DACH2: variants seen among roughly 807,000 people sequenced by gnomAD.
The protein encoded by DACH2 is dachshund homolog 2.
A neutral mutation model predicts 35.8 loss-of-function variants in DACH2; 17 were observed. The ratio of observed to expected loss-of-function variants is 0.48; its 90% CI spans 0.33 to 0.71. DACH2 has a LOEUF of 0.71. Among genes scored for constraint, DACH2 ranks in the 30% least tolerant of loss-of-function variants. The pLI is 0.02. For missense variants in DACH2, 469 were observed against 472.7 expected (o/e 0.99, Z 0.07); for synonymous variants, 195 against 177.3 (o/e 1.10, Z -0.79).
At chrX:86,344,339 TATATAC>T (rs1325161106) in intron 1 of DACH2, among the ~76,000 whole-genome samples, 15 of 91,585 alleles carry the variant, frequency 1.6e-4, no homozygotes, top group Admixed American at 7.1e-4. Context: ...TATATATATA[TATATAC>T]ACACACACAC....
At chrX:86,212,369 T>C (rs1352961485) in intron 1 of DACH2, among the ~76,000 whole-genome samples, 1 of 111,562 alleles carries the variant, frequency 9.0e-6, no homozygotes, top group African/African-American at 3.2e-5. Flanking sequence ...ATATTCTGAA[T>C]GTTTTGAACT....
intron 2 of DACH2, among the ~76,000 whole-genome samples, chrX:86,445,333 G>C (rs1391129376): frequency 4.5e-5 from 3 of 66,217 alleles, no homozygotes; most frequent in Non-Finnish European, 7.8e-5. Flanking sequence ...ACAGGAAGGG[G>C]AATATCACAC....
intron 7 of DACH2, among the ~76,000 whole-genome samples, chrX:86,793,444 G>C (rs1398273451): frequency 9.0e-6 from 1 of 111,415 alleles, no homozygotes; most frequent in Non-Finnish European, 1.9e-5. Context: ...TTGGGATAAA[G>C]GAAGGATGTG....
At chrX:86,223,932 G>T (rs1251927241) in intron 1 of DACH2, among the ~76,000 whole-genome samples, 1 of 111,950 alleles carries the variant, frequency 8.9e-6, no homozygotes, top group Non-Finnish European at 1.9e-5. Flanking sequence ...TAGAAACTTG[G>T]TGTATAGCTT....
At chrX:86,666,078 G>A (rs1309551426) in intron 4 of DACH2, among the ~76,000 whole-genome samples, 1 of 110,901 alleles carries the variant, frequency 9.0e-6, no homozygotes, top group Non-Finnish European at 1.9e-5. Flanking sequence ...AAAAATTCAG[G>A]AAGCTAAATT....
chrX:86,767,922 TTTGTTTGTTTG>T (rs773772331), intron 7 of DACH2, among the ~76,000 whole-genome samples: 4 of 111,279 alleles, frequency 3.6e-5, no homozygotes, highest in African/African-American at 1.3e-4. Context: ...GTTTTGTTTG[TTTGTTTGTTTG>T]TTGTTTGTTT....
chrX:86,576,754 C>T (rs2039440425), intron 3 of DACH2, among the ~76,000 whole-genome samples: 1 of 111,223 alleles, frequency 9.0e-6, no homozygotes, highest in Non-Finnish European at 1.9e-5. Context: ...TCTGATTCCT[C>T]GTGAAGAGAT....
intron 2 of DACH2, among the ~76,000 whole-genome samples, chrX:86,424,441 G>A (rs1406386503): frequency 1.8e-5 from 2 of 110,393 alleles, no homozygotes; most frequent in Non-Finnish European, 3.8e-5. Context: ...TTATGTGTGG[G>A]TATTGTAAAT....
intron 1 of DACH2, among the ~76,000 whole-genome samples, chrX:86,373,604 C>T (rs1056598710): frequency 2.7e-5 from 3 of 110,516 alleles, no homozygotes; most frequent in Admixed American, 9.7e-5. Flanking sequence ...ACTTCCTCTG[C>T]GACTTTGGCC....
intron 1 of DACH2, among the ~76,000 whole-genome samples, chrX:86,360,665 C>T (rs2035724486): frequency 9.7e-6 from 1 of 103,512 alleles, no homozygotes; most frequent in African/African-American, 3.5e-5. Flanking sequence ...AATCCATGTC[C>T]TATCCTTTCC....
chrX:86,609,953 C>A, intron 3 of DACH2, among the ~76,000 whole-genome samples: 1 of 111,333 alleles, frequency 9.0e-6, no homozygotes, highest in Non-Finnish European at 1.9e-5. Flanking sequence ...CCTGGTGTAA[C>A]CACTTCCTGG....
intron 4 of DACH2, among the ~76,000 whole-genome samples, chrX:86,685,892 C>T (rs975583627): frequency 2.7e-5 from 3 of 111,382 alleles, no homozygotes; most frequent in East Asian, 2.8e-4. Flanking sequence ...CTCCAGCATT[C>T]GAAATTAAAA....
rs2041739711 is a variant in DACH2 at position 86,748,691 on chromosome X, A to G, written c.1240+8809A>G. Among the ~76,000 whole-genome samples the G allele has an allele frequency of 2.7e-5, 3 of 111,641 alleles. No individual in the cohort carries two copies. The Admixed American group carries it at 2.9e-4, about 11-fold the overall frequency. ...GAATTACAGGGTTTTTATTTTTGTAATGGAAAATGTGCATTGGCTTGAACT... is the reference window on the plus strand; with the variant it reads ...GAATTACAGGGTTTTTATTTTTGTAGTGGAAAATGTGCATTGGCTTGAACT... On this transcript the variant is annotated intron_variant, in intron 7 of 11. Transcript: ENST00000373125.
intron 3 of DACH2, among the ~76,000 whole-genome samples, chrX:86,550,761 G>C (rs977672206): frequency 1.3e-4 from 15 of 111,663 alleles, no homozygotes; most frequent in African/African-American, 4.9e-4. Context: ...AGGTGTTTGG[G>C]TTCTACAGCC....
At chrX:86,679,362 C>A (rs1303422431) in intron 4 of DACH2, among the ~76,000 whole-genome samples, 3 of 111,535 alleles carry the variant, frequency 2.7e-5, no homozygotes, top group Non-Finnish European at 5.6e-5. Flanking sequence ...AGAACTATTT[C>A]TTTTTACTTT....
intron 3 of DACH2, among the ~76,000 whole-genome samples, chrX:86,559,598 G>A (rs1225735775): frequency 2.2e-5 from 1 of 46,471 alleles, no homozygotes. Context: ...GGTCACTCAG[G>A]ACTTGCTTTA....
chrX:86,429,386 T>C (rs912635769), intron 2 of DACH2, among the ~76,000 whole-genome samples: 1 of 111,325 alleles, frequency 9.0e-6, no homozygotes, highest in Non-Finnish European at 1.9e-5. Flanking sequence ...GATTTTGATA[T>C]GGGAAAAGAA....
intron 3 of DACH2, among the ~76,000 whole-genome samples, chrX:86,542,289 G>C (rs1226626096): frequency 9.0e-6 from 1 of 111,558 alleles, no homozygotes; most frequent in Non-Finnish European, 1.9e-5. Flanking sequence ...GGGAGGTGGG[G>C]ATTACTGGGA....
At chrX:86,826,837 G>A (rs1483022617) in intron 11 of DACH2, among the ~76,000 whole-genome samples, 8 of 112,355 alleles carry the variant, frequency 7.1e-5, no homozygotes, top group Admixed American at 3.8e-4. Flanking sequence ...AGGAAAACAT[G>A]ACCTTCAAGA....
Sources: allele counts gnomAD v4.1 joint callset (sites outside exome capture counted in the v4.1 genomes callset), GRCh38; gene constraint gnomAD v4.1.1; transcripts MANE v1.5; gene names NCBI Gene and HGNC (gene_info 2026-07-23, HGNC 2026-07-21).